KCNIP1: variants seen among roughly 807,000 people sequenced by gnomAD.
The protein encoded by KCNIP1 is potassium voltage-gated channel interacting protein 1.
A neutral mutation model predicts 33.0 loss-of-function variants in KCNIP1; 18 were observed. The observed-to-expected ratio is 0.55, with a 90% CI of 0.38 to 0.81. The LOEUF (loss-of-function observed/expected upper bound fraction) is 0.81. Ranked by LOEUF, KCNIP1 falls within the 30% of genes least tolerant of loss-of-function variation. The pLI is 0.00. For synonymous variants in KCNIP1, 93 were observed against 98.3 expected (o/e 0.95, Z 0.32); for missense variants, 238 against 271.6 (o/e 0.88, Z 0.87).
chr5:170,381,595 G>C (rs1764243242), intron 1 of KCNIP1, among the ~76,000 whole-genome samples: 1 of 152,102 alleles, frequency 6.6e-6, no homozygotes, highest in Admixed American at 6.5e-5. Context: ...CTTCCTCCCA[G>C]CTCCTGCAGC....
intron 1 of KCNIP1, among the ~76,000 whole-genome samples, chr5:170,604,766 T>C (rs924048285): frequency 6.6e-5 from 10 of 152,300 alleles, no homozygotes; most frequent in African/African-American, 2.4e-4. Flanking sequence ...ACTGGCTCAG[T>C]GGCCTTGCCC....
At chr5:170,464,343 C>T (rs953568640) in intron 1 of KCNIP1, among the ~76,000 whole-genome samples, 4 of 152,106 alleles carry the variant, frequency 2.6e-5, no homozygotes, top group Admixed American at 2.6e-4. Flanking sequence ...TAATGCAACC[C>T]GTGTCAAAAT....
chr5:170,540,723 T>C (rs113133614), intron 1 of KCNIP1, among the ~76,000 whole-genome samples: 3,556 of 152,252 alleles, frequency 0.023, 152 homozygotes, highest in African/African-American at 0.081. Context: ...ATGGTTGCCT[T>C]ACAGTGGCTT....
intron 1 of KCNIP1, among the ~76,000 whole-genome samples, chr5:170,465,743 A>T (rs1030782421): frequency 1.3e-5 from 2 of 152,192 alleles, no homozygotes; most frequent in Non-Finnish European, 2.9e-5. Context: ...GGCTTCTTGA[A>T]CTAGGACCTA....
chr5:170,502,461 T>C (rs1430071684), upstream of KCNIP1, among the ~76,000 whole-genome samples: 2 of 152,162 alleles, frequency 1.3e-5, no homozygotes, highest in Admixed American at 6.5e-5. Context: ...ACTCTGTGCC[T>C]ATGTGGCATT....
intron 1 of KCNIP1, among the ~76,000 whole-genome samples, chr5:170,509,435 C>G (rs1286725234): frequency 1.3e-5 from 2 of 152,200 alleles, no homozygotes; most frequent in Non-Finnish European, 2.9e-5. Context: ...TTGACTTGGT[C>G]TCTGGAAAAG....
At chr5:170,566,854 A>G (rs1340473033) in intron 1 of KCNIP1, among the ~76,000 whole-genome samples, 1 of 152,246 alleles carries the variant, frequency 6.6e-6, no homozygotes, top group Non-Finnish European at 1.5e-5. Flanking sequence ...AACCAGGAAA[A>G]GGAGGAAAAC....
intron 1 of KCNIP1, among the ~76,000 whole-genome samples, chr5:170,485,607 C>T (rs1343269765): frequency 6.6e-6 from 1 of 152,222 alleles, no homozygotes; most frequent in African/African-American, 2.4e-5. Context: ...CCACCAGGCC[C>T]ACCCTCCGCC....
rs1764302768 is a variant in KCNIP1 at position 170,734,147 on chromosome 5, A to AG, written c.603+254dup. On this transcript the variant is annotated intron_variant, in intron 7 of 7. Transcript: ENST00000328939. ...GGTCTGGGGGCATGTGAAAACTCAG[A>AG]GGGGGTCTCTGTGAAAATAGACTTC... Among the ~76,000 whole-genome samples the AG allele has an allele frequency of 2.6e-5, 4 of 151,922 alleles. No individual in the cohort carries two copies. In the South Asian group the frequency reaches 8.3e-4, roughly 32 times the overall value.
At chr5:170,625,337 C>G (rs1225510246) in intron 1 of KCNIP1, among the ~76,000 whole-genome samples, 1 of 152,156 alleles carries the variant, frequency 6.6e-6, no homozygotes, top group East Asian at 1.9e-4. Context: ...CCCCAAGCCC[C>G]AAGAATACAA....
rs73800667 is a variant in KCNIP1, at chr5:170,427,297, C to A, written c.88+73333C>A. Among the ~76,000 whole-genome samples, 1,240 of 152,294 alleles carry A rather than the reference C, an allele frequency of 8.1e-3. 17 individuals carry two copies. The highest frequency in any genetic ancestry group is 0.029 in the African/African-American group (1,194 of 41,544). On this transcript the variant is annotated intron_variant, in intron 1 of 7. Coordinates refer to the KCNIP1 transcript ENST00000377360. Reference sequence around the variant, plus strand: ...TCCCAGCCCCTCCTGCGGCCTCCAACGACCAGGAGAGAAAGGCGTAAGGTG... The same window carrying A: ...TCCCAGCCCCTCCTGCGGCCTCCAAAGACCAGGAGAGAAAGGCGTAAGGTG...
intron 1 of KCNIP1, among the ~76,000 whole-genome samples, chr5:170,664,925 C>T (rs879742901): frequency 5.9e-5 from 9 of 152,058 alleles, no homozygotes; most frequent in Non-Finnish European, 1.0e-4. Context: ...AGTTGACTCC[C>T]GAACTAACTG....
chr5:170,486,249 C>T (rs10056890), intron 1 of KCNIP1: 22,680 of 152,114 alleles, frequency 0.15, 1,756 homozygotes, highest in East Asian at 0.3. Flanking sequence ...GGCCCTGTTG[C>T]TCAACTCAGT....
At chr5:170,593,365 A>C (rs1347814495) in intron 1 of KCNIP1, among the ~76,000 whole-genome samples, 5 of 152,148 alleles carry the variant, frequency 3.3e-5, no homozygotes, top group African/African-American at 1.2e-4. Context: ...GAAATGTTTA[A>C]CAGAAAGAAC....
intron 1 of KCNIP1, among the ~76,000 whole-genome samples, chr5:170,534,501 A>AGG: frequency 8.1e-6 from 1 of 123,994 alleles, no homozygotes; most frequent in Non-Finnish European, 1.6e-5. Flanking sequence ...GGAGGAGGAG[A>AGG]AGGAGGAGAA....
intron 1 of KCNIP1, among the ~76,000 whole-genome samples, chr5:170,426,662 G>C (rs1224256633): frequency 6.6e-6 from 1 of 152,262 alleles, no homozygotes; most frequent in African/African-American, 2.4e-5. Context: ...TGAGCTTGCA[G>C]GTGCTTGGTA....
rs542454311 is a variant in KCNIP1 at position 170,409,514 on chromosome 5, G to C, written c.88+55550G>C. ...AGTACCCCATGAATAAGTTCACAGA[G>C]GCAGGGTTGTGCAGTAGTGACACGC... On this transcript the variant is annotated intron_variant, in intron 1 of 7. Transcript: ENST00000377360. Among the ~76,000 whole-genome samples the C allele has an allele frequency of 1.5e-3, 234 of 152,338 alleles. 1 individual carries two copies. Among genetic ancestry groups the C allele is most frequent in the Non-Finnish European group, 2.3e-3 (157 of 68,026 alleles).
chr5:170,384,893 C>T (rs1764402925), intron 1 of KCNIP1, among the ~76,000 whole-genome samples: 1 of 152,190 alleles, frequency 6.6e-6, no homozygotes. Flanking sequence ...CTCCCCGTCT[C>T]TTGAGGTATT....
At chr5:170,662,307 C>A (rs1761530859) in intron 1 of KCNIP1, among the ~76,000 whole-genome samples, 1 of 152,088 alleles carries the variant, frequency 6.6e-6, no homozygotes, top group South Asian at 2.1e-4. Context: ...TATAAGGTGC[C>A]CTGGCACTGT....
Sources: gnomAD v4.1 joint callset for allele counts (sites outside exome capture counted in the v4.1 genomes callset) on GRCh38, gnomAD v4.1.1 for gene constraint, MANE v1.5 for transcripts, NCBI Gene and HGNC (gene_info 2026-07-23, HGNC 2026-07-21) for gene names.